Variants in MPPED2 observed in about 807,000 individuals in gnomAD.
The protein encoded by MPPED2 is metallophosphoesterase domain containing 2, also known as metallophosphoesterase MPPED2.
MPPED2 carries 5 observed loss-of-function variants against 33.0 expected under a neutral mutation model. The observed-to-expected ratio is 0.15, with a 90% confidence interval of 0.08 to 0.32. The LOEUF is 0.32. MPPED2 is among the 10% of genes least tolerant of loss of function. The pLI, the probability that MPPED2 is intolerant of heterozygous loss-of-function variation, is 1.00. For synonymous variants in MPPED2, 136 were observed against 141.9 expected, an observed-to-expected ratio of 0.96 and a Z score of 0.29; for missense variants, 275 against 372.1, an observed-to-expected ratio of 0.74 and a Z score of 2.15.
rs537591619 is a variant in MPPED2, at chr11:30,400,750, A to G, written c.767-11794T>C. Among the ~76,000 whole-genome samples the G allele has an allele frequency of 6.7e-5, 10 of 148,964 alleles. No individual in the cohort carries two copies. The Middle Eastern group carries it at 0.01, about 153-fold the overall frequency. On this transcript the variant is annotated intron_variant, in intron 6 of 6. Transcript: ENST00000448418. ...TACCATTCATTTCTTTTTCCAATAC[A>G]TATCATCAAACATTTTTTTTTTTTT...
In MPPED2 at chr11:30,529,395, ATTC is replaced by A. The variant is rs748521137; in HGVS notation, c.310+6596_310+6598del. Among the ~76,000 whole-genome samples, 10 of 152,354 alleles carry A rather than the reference ATTC, an allele frequency of 6.6e-5. No individual in the cohort carries two copies. The East Asian group carries it at 7.7e-4, about 12-fold the overall frequency. ...GTTATGTGTATCTTACAATGAAAGTATTCTTCTTGGGAAAAAGTATTTTAACCA... is the reference window on the plus strand; with the variant it reads ...GTTATGTGTATCTTACAATGAAAGTATTCTTGGGAAAAAGTATTTTAACCA... On this transcript the variant is annotated intron_variant, in intron 3 of 6. Coordinates refer to ENST00000358117, the MANE Select transcript of MPPED2 (RefSeq NM_001584.3).
At chr11:30,496,333 A>T (rs945217614) in intron 3 of MPPED2, among the ~76,000 whole-genome samples, 4 of 152,202 alleles carry the variant, frequency 2.6e-5, no homozygotes, top group African/African-American at 9.7e-5. Context: ...CGGGTCATAC[A>T]TATTAATAAC....
intron 2 of MPPED2, among the ~76,000 whole-genome samples, chr11:30,569,548 T>A (rs545914683): frequency 6.9e-4 from 105 of 152,266 alleles, no homozygotes; most frequent in Non-Finnish European, 2.5e-4. Flanking sequence ...CCTGTAAAAG[T>A]CAGAATTTGA....
intron 4 of MPPED2, among the ~76,000 whole-genome samples, chr11:30,488,126 T>G (rs939676905): frequency 6.6e-6 from 1 of 152,214 alleles, no homozygotes; most frequent in Non-Finnish European, 1.5e-5. Context: ...ACTCTCTATG[T>G]TGGTCTCTGT....
Position 30,410,516 on chromosome 11 carries a change from C to T in MPPED2, c.*952G>A, listed in dbSNP as rs1948065781. 1 of 985,670 alleles carries T rather than the reference C, an allele frequency of 1.0e-6. No individual in the cohort carries two copies. The highest frequency in any genetic ancestry group is 1.7e-5 in the African/African-American group (1 of 57,318). The allele number at this position is 985,670 out of a possible 1,614,324, so 61.1% of individuals were successfully genotyped here. A position where few individuals can be genotyped will look rare whatever the true frequency, so the allele number is the denominator to read the frequency against. On this transcript the variant is annotated 3_prime_UTR_variant, in exon 7 of 7. Transcript: ENST00000358117. Reference sequence around the variant, plus strand: ...ACTAAGCCTTATTTTAGTTAGCTTCCATTGCATCCATTTAAGTCTATACAT... The same window carrying T: ...ACTAAGCCTTATTTTAGTTAGCTTCTATTGCATCCATTTAAGTCTATACAT...
intron 2 of MPPED2, among the ~76,000 whole-genome samples, chr11:30,549,834 A>G (rs1289648283): frequency 6.6e-6 from 1 of 152,150 alleles, no homozygotes; most frequent in Non-Finnish European, 1.5e-5. Context: ...GTACTTAGCT[A>G]AAGGGCATTG....
chr11:30,487,889 GT>G (rs1188373415), intron 4 of MPPED2, among the ~76,000 whole-genome samples: 1 of 151,994 alleles, frequency 6.6e-6, no homozygotes, highest in Non-Finnish European at 1.5e-5. Context: ...CCCCTGAAGG[GT>G]GCTGGCCTGG....
At position 30,506,031 on chromosome 11, in the gene MPPED2, G is replaced by GTTA. The variant is rs577745420; in HGVS notation, c.311-10513_311-10511dup. On this transcript the variant is annotated intron_variant, in intron 3 of 6. Transcript: ENST00000358117. ...CACATAAAGGATGATAATTATTATTGTTATTATTATTATTATTAATTTTTG... is the reference window on the plus strand; with the variant it reads ...CACATAAAGGATGATAATTATTATTGTTATTATTATTATTATTATTAATTTTTG... 2.0e-4 allele frequency among the ~76,000 whole-genome samples: 30 copies of GTTA among 151,728 alleles called. 1 individual carries two copies. Among genetic ancestry groups the GTTA allele is most frequent in the African/African-American group, 5.3e-4 (22 of 41,396 alleles).
At chr11:30,475,803 T>C (rs1273017319) in intron 4 of MPPED2, among the ~76,000 whole-genome samples, 2 of 152,100 alleles carry the variant, frequency 1.3e-5, no homozygotes, top group Non-Finnish European at 2.9e-5. Context: ...ACAGTAGATG[T>C]GGGTTGACTT....
intron 2 of MPPED2, among the ~76,000 whole-genome samples, chr11:30,547,164 A>G (rs12289767): frequency 0.23 from 34,847 of 152,126 alleles, 4,315 homozygotes; most frequent in East Asian, 0.42. Context: ...ATCTAGGTCT[A>G]ACTGCAATTC....
chr11:30,408,893 G>T (rs1948030751), downstream of MPPED2, among the ~76,000 whole-genome samples: 1 of 152,130 alleles, frequency 6.6e-6, no homozygotes, highest in Non-Finnish European at 1.5e-5. Flanking sequence ...TGAATATTTT[G>T]TTGTTGTAAG....
In MPPED2 at chr11:30,411,361, A is replaced by C. The variant is rs1310619413; in HGVS notation, c.*107T>G. 7.1e-7 allele frequency: 1 copy of C among 1,404,272 alleles called. No individual in the cohort carries two copies. Among genetic ancestry groups the C allele is most frequent in the Non-Finnish European group, 9.4e-7 (1 of 1,067,800 alleles). The allele number at this position is 1,404,272 out of a possible 1,614,324, so 87.0% of individuals were successfully genotyped here. On this transcript the variant is annotated 3_prime_UTR_variant, in exon 7 of 7. Coordinates refer to ENST00000358117, the MANE Select transcript of MPPED2 (RefSeq NM_001584.3). ...CATCATTTGTGTTCCAACAATTTAC[A>C]AAAAGAACTCACAGGGTTTGTAAAT...
At chr11:30,446,546 G>A (rs1248972161) in intron 4 of MPPED2, among the ~76,000 whole-genome samples, 1 of 151,902 alleles carries the variant, frequency 6.6e-6, no homozygotes, top group Non-Finnish European at 1.5e-5. Flanking sequence ...TTGTCCATGT[G>A]TGTTCGCTTG....
chr11:30,486,494 A>G (rs1004045497), intron 4 of MPPED2, among the ~76,000 whole-genome samples: 27 of 152,304 alleles, frequency 1.8e-4, no homozygotes, highest in African/African-American at 5.5e-4. Flanking sequence ...CTTCCGACCA[A>G]TCTCAAACTT....
exon 7 of MPPED2, chr11:30,386,934 C>T: frequency 2.5e-6 from 1 of 394,568 alleles, no homozygotes; most frequent in Non-Finnish European, 4.5e-6. Context: ...TCATATATGC[C>T]TAACGTTTAC....
chr11:30,519,205 G>C (rs1377821539), intron 3 of MPPED2, among the ~76,000 whole-genome samples: 1 of 152,050 alleles, frequency 6.6e-6, no homozygotes, highest in Non-Finnish European at 1.5e-5. Flanking sequence ...AGAGGCAGAG[G>C]TTACAGTAAG....
intron 4 of MPPED2, among the ~76,000 whole-genome samples, chr11:30,485,056 T>C (rs921390420): frequency 3.3e-5 from 5 of 152,178 alleles, no homozygotes; most frequent in Admixed American, 6.5e-5. Context: ...ATAATATTAA[T>C]TGAGCATTCA....
chr11:30,553,318 T>C (rs1214180649), intron 2 of MPPED2, among the ~76,000 whole-genome samples: 1 of 152,180 alleles, frequency 6.6e-6, no homozygotes, highest in Admixed American at 6.5e-5. Flanking sequence ...GCAATAGTCA[T>C]AGACTGTAAC....
At chr11:30,521,683 T>C (rs1372651320) in intron 3 of MPPED2, among the ~76,000 whole-genome samples, 3 of 152,240 alleles carry the variant, frequency 2.0e-5, no homozygotes, top group African/African-American at 4.8e-5. Flanking sequence ...TGTAAATATA[T>C]CTTCTGACCT....
Sources: allele counts gnomAD v4.1 joint callset (sites outside exome capture counted in the v4.1 genomes callset), GRCh38; gene constraint gnomAD v4.1.1; transcripts MANE v1.5; gene names NCBI Gene and HGNC (gene_info 2026-07-23, HGNC 2026-07-21).